ATIC: variants seen among roughly 807,000 people sequenced by gnomAD.
ATIC encodes the protein 5-aminoimidazole-4-carboxamide ribonucleotide formyltransferase/IMP cyclohydrolase.
In ATIC, 64 loss-of-function variants were observed where a neutral mutation model predicts 72.5. That is an observed-to-expected ratio of 0.88 (90% CI 0.72 to 1.09). ATIC has a LOEUF of 1.09. Among genes scored for constraint, ATIC ranks in the 50% least tolerant of loss-of-function variants. The probability of loss-of-function intolerance (pLI) is 0.00; values close to 1 mark genes in which losing one functional copy is unlikely to be tolerated. For missense variants in ATIC, 787 were observed against 732.4 expected (o/e 1.07, Z -0.86); for synonymous variants, 281 against 267.1 (o/e 1.05, Z -0.51).
intron 14 of ATIC, 113 bp from the exon 15 acceptor site, chr2:215,348,981 T>TAAA: frequency 1.1e-6 from 1 of 909,082 alleles, no homozygotes; most frequent in East Asian, 2.9e-5. Flanking sequence ...ATAATAATAA[T>TAAA]AAAAACAAGT....
rs898514599 is a variant in ATIC, at chr2:215,319,793, C to T, written c.290+62C>T. 7.7e-6 allele frequency: 10 copies of T among 1,305,064 alleles called. No individual in the cohort carries two copies. In the African/African-American group the frequency reaches 1.5e-4, roughly 19 times the overall value. The allele number at this position is 1,305,064 out of a possible 1,614,324, so 80.8% of individuals were successfully genotyped here. ...ACCAACGACAAAGACTATGCCAAACCTGGTGTCCCTGTGTTTTCTTACTCA... is the reference window on the plus strand; with the variant it reads ...ACCAACGACAAAGACTATGCCAAACTTGGTGTCCCTGTGTTTTCTTACTCA... On this transcript the variant is annotated intron_variant, in intron 4 of 15. Transcript: ENST00000236959.
At chr2:215,366,304 G>T in the ATIC span, among the ~76,000 whole-genome samples, 1 of 152,100 alleles carries the variant, frequency 6.6e-6, no homozygotes, top group Non-Finnish European at 1.5e-5. Flanking sequence ...GATTGGAGTA[G>T]ACTGTTAGGA....
At position 215,326,693 on chromosome 2, in the gene ATIC, A is replaced by G. The variant is rs901129975; in HGVS notation, c.532-129A>G. The stretch of plus-strand genomic sequence containing the variant: ...GTGCTTTGCTGTCATTCATGGTGTC[A>G]TCGTGTTGTGCAGCCACCACATAGC... On this transcript the variant is annotated intron_variant, in intron 6 of 15. Transcript: ENST00000236959. 2.2e-5 allele frequency: 24 copies of G among 1,095,022 alleles called. No individual in the cohort carries two copies. The African/African-American group carries it at 3.3e-4, about 15-fold the overall frequency. 67.8% of individuals were successfully genotyped at this position (1,095,022 alleles called of 1,614,324 possible).
intron 14 of ATIC, among the ~76,000 whole-genome samples, chr2:215,347,425 T>C (rs1398172410): frequency 1.3e-5 from 2 of 152,184 alleles, no homozygotes; most frequent in Non-Finnish European, 2.9e-5. Context: ...TTTCATGTTC[T>C]TCTGTTTGAA....
At chr2:215,330,838 C>G (rs1431288821) in intron 7 of ATIC, among the ~76,000 whole-genome samples, 1 of 151,986 alleles carries the variant, frequency 6.6e-6, no homozygotes, top group Non-Finnish European at 1.5e-5. Flanking sequence ...ACCACCATGC[C>G]CAGCTGTTTT....
chr2:215,349,635 C>T lies in ATIC; in HGVS notation c.1759C>T (p.Leu587Phe), dbSNP rs2053113188. ...GGGAATCATCCTCGCTCATACGAAC[C>T]TTCGGCTCTTCCACCACTGATTTTA... ...ELGIILAHTN[L>F]RLFHH Residue 587 changes from leucine (L) to phenylalanine (F), a missense_variant, in exon 16 of 16, where the codon CTT (leucine) becomes TTT (phenylalanine). Coordinates refer to ENST00000236959, the MANE Select transcript of ATIC (RefSeq NM_004044.7). 1 of 1,614,198 alleles carries T rather than the reference C, an allele frequency of 6.2e-7. No homozygotes were observed. The highest frequency in any genetic ancestry group is 8.5e-7 in the Non-Finnish European group (1 of 1,180,040).
the ATIC span, among the ~76,000 whole-genome samples, chr2:215,359,303 G>A: frequency 6.6e-6 from 1 of 152,150 alleles, no homozygotes; most frequent in Non-Finnish European, 1.5e-5. Flanking sequence ...AAGGCTTTAA[G>A]CAAGATTCAG....
chr2:215,330,764 A>G (rs2052883541), intron 7 of ATIC, among the ~76,000 whole-genome samples: 1 of 137,912 alleles, frequency 7.3e-6, no homozygotes, highest in Non-Finnish European at 1.5e-5. Context: ...GCTGGTTTTG[A>G]TATCCTGGGA....
At position 215,319,677 on chromosome 2, in the gene ATIC, G is replaced by A. The variant is rs149652377; in HGVS notation, c.236G>A (p.Arg79His). Residue 79 changes from arginine to histidine, a missense_variant, in exon 4 of 16, where the codon CGT (arginine) becomes CAT (histidine). Physicochemically the swap from Arg to His is conservative, Grantham distance 29. Coordinates refer to ENST00000236959, the MANE Select transcript of ATIC (RefSeq NM_004044.7). ...HPAVHAGILARNIPEDNADMA... is the reference protein window; with the variant it reads ...HPAVHAGILAHNIPEDNADMA... ...TTTTTTAAATTAGGAATCCTAGCTC[G>A]TAATATTCCAGAAGATAATGCTGAC... The A allele has an allele frequency of 1.3e-4, 207 of 1,610,076 alleles. No homozygotes were observed. The highest frequency in any genetic ancestry group is 1.6e-4 in the Non-Finnish European group (191 of 1,176,544).
chr2:215,340,973 G>A (rs934930908), intron 12 of ATIC, among the ~76,000 whole-genome samples: 1 of 152,152 alleles, frequency 6.6e-6, no homozygotes, highest in African/African-American at 2.4e-5. Flanking sequence ...TACTAAAAGA[G>A]GATTGGTCTC....
rs536091790 is a variant in ATIC, at chr2:215,348,927, CAGCCTGGTGAT to C, written c.1504-164_1504-154del. On this transcript the variant is annotated intron_variant, in intron 14 of 15. Coordinates refer to ENST00000236959, the MANE Select transcript of ATIC (RefSeq NM_004044.7). ...GAGCCGAGATCGCACCACTGCACTC[CAGCCTGGTGAT>C]AGTGCAAAACTCCGTCTAAAAAAAA... 6.6e-4 allele frequency: 315 copies of C among 474,250 alleles called. 2 individuals are homozygous for C. The highest frequency in any genetic ancestry group is 6.1e-3 in the African/African-American group (297 of 48,926). 29.4% of individuals were successfully genotyped at this position (474,250 alleles called of 1,614,324 possible). A position where few individuals can be genotyped will look rare whatever the true frequency, so the allele number is the denominator to read the frequency against.
At chr2:215,356,432 T>A in the ATIC span, among the ~76,000 whole-genome samples, 1 of 152,230 alleles carries the variant, frequency 6.6e-6, no homozygotes, top group Non-Finnish European at 1.5e-5. Flanking sequence ...TTTCTATAAC[T>A]GAAGTGGCAT....
downstream of ATIC, chr2:215,349,880 C>T (rs1484843301): frequency 5.5e-6 from 4 of 721,872 alleles, no homozygotes; most frequent in Non-Finnish European, 8.9e-6. Context: ...CGGAGCTCAG[C>T]CCATCCCACA....
At chr2:215,336,735 C>G (rs1479085620) in intron 11 of ATIC, among the ~76,000 whole-genome samples, 1 of 152,156 alleles carries the variant, frequency 6.6e-6, no homozygotes, top group Non-Finnish European at 1.5e-5. Flanking sequence ...TCTTTAGCTA[C>G]TACAAATACC....
chr2:215,349,837 A>G (rs1294679798), downstream of ATIC: 6 of 1,097,504 alleles, frequency 5.5e-6, no homozygotes, highest in East Asian at 2.6e-5. Context: ...CACATAACAC[A>G]TAAATGAGGA....
downstream of ATIC, among the ~76,000 whole-genome samples, chr2:215,352,147 C>T (rs1262161227): frequency 6.6e-6 from 1 of 152,100 alleles, no homozygotes; most frequent in Non-Finnish European, 1.5e-5. Context: ...TAGGTAAAAA[C>T]TAAGAAAATC....
intron 4 of ATIC, among the ~76,000 whole-genome samples, chr2:215,322,100 A>G (rs1235283967): frequency 2.0e-5 from 3 of 147,148 alleles, no homozygotes; most frequent in Non-Finnish European, 4.4e-5. Flanking sequence ...ATAGGGTTTC[A>G]CTATGTTGGC....
intron 4 of ATIC, among the ~76,000 whole-genome samples, chr2:215,323,663 C>T (rs1431341828): frequency 3.3e-5 from 5 of 152,204 alleles, no homozygotes. Context: ...GATATAACTT[C>T]ACTGCTTTCT....
At chr2:215,333,967 G>T (rs1226148025) in intron 9 of ATIC, among the ~76,000 whole-genome samples, 2 of 151,498 alleles carry the variant, frequency 1.3e-5, no homozygotes, top group East Asian at 4.0e-4. Context: ...GTGTGAACCC[G>T]GCAGGTGGAA....
Sources: allele counts gnomAD v4.1 joint callset (sites outside exome capture counted in the v4.1 genomes callset), GRCh38; gene constraint gnomAD v4.1.1; transcripts MANE v1.5; gene names NCBI Gene and HGNC (gene_info 2026-07-23, HGNC 2026-07-21).